GORASP2: variants seen among roughly 807,000 people sequenced by gnomAD.
GORASP2 encodes Golgi reassembly-stacking protein 2.
Under a neutral mutation model 45.7 loss-of-function variants are expected in GORASP2, and 22 were observed. The observed-to-expected ratio is 0.48, with a 90% CI of 0.34 to 0.69. GORASP2 has a LOEUF of 0.69. Ranked by LOEUF, GORASP2 falls within the 30% of genes least tolerant of loss-of-function variation. GORASP2 has a pLI of 0.01. For missense variants in GORASP2, 491 were observed against 562.7 expected, an observed-to-expected ratio of 0.87 and a Z score of 1.29; for synonymous variants, 221 against 215.6, an observed-to-expected ratio of 1.02 and a Z score of -0.22.
rs766320682 is a variant in GORASP2, at chr2:170,951,473, T to TA, written c.566+16dup. On this transcript the variant is annotated intron_variant, in intron 5 of 9. Coordinates refer to ENST00000234160, the MANE Select transcript of GORASP2 (RefSeq NM_015530.5). Reference sequence around the variant, plus strand: ...GGAGAAGGCAGGTAAGGTCATTTTTTAGACTAAGTTATGACTGCTTAAACA... The same window carrying TA: ...GGAGAAGGCAGGTAAGGTCATTTTTTAAGACTAAGTTATGACTGCTTAAACA... 3.6e-5 allele frequency: 57 copies of TA among 1,593,050 alleles called. No individual in the cohort carries two copies. The highest frequency in any genetic ancestry group is 4.7e-5 in the Non-Finnish European group (55 of 1,168,932).
chr2:170,961,522 C>T (rs1704560129), intron 7 of GORASP2, 141 bp from the exon 8 acceptor site: 2 of 669,692 alleles, frequency 3.0e-6, no homozygotes, highest in South Asian at 1.7e-5. Flanking sequence ...GGGTGATGGA[C>T]AGTCAGTTGC....
chr2:170,949,223 G>A (rs763755617), intron 2 of GORASP2, among the ~76,000 whole-genome samples: 5 of 152,094 alleles, frequency 3.3e-5, no homozygotes, highest in Non-Finnish European at 5.9e-5. Context: ...TCACAACTTC[G>A]TTAGTAATGT....
intron 5 of GORASP2, among the ~76,000 whole-genome samples, chr2:170,953,024 T>C (rs1704335868): frequency 6.6e-6 from 1 of 152,072 alleles, no homozygotes; most frequent in Non-Finnish European, 1.5e-5. Flanking sequence ...GAACAAATAA[T>C]TGTGAGATGA....
intron 5 of GORASP2, among the ~76,000 whole-genome samples, chr2:170,952,306 C>T (rs183502074): frequency 5.1e-4 from 78 of 152,290 alleles, no homozygotes; most frequent in Admixed American, 8.5e-4. Context: ...AATTTGGCTA[C>T]ATTCTTTGGA....
rs375029669 is a variant in GORASP2 at position 170,948,290 on chromosome 2, C to T, written c.64-60C>T. The T allele has an allele frequency of 3.6e-4, 326 of 913,088 alleles. 1 individual carries two copies. Among genetic ancestry groups the T allele is most frequent in the Middle Eastern group, 1.3e-3 (6 of 4,694 alleles). The allele number at this position is 913,088 out of a possible 1,614,324, so 56.6% of individuals were successfully genotyped here. ...TCTATTTTTACTGAAAAGAGAGATT[C>T]GGCTTACAATTTTCACCTAAGCTTT... On this transcript the variant is annotated intron_variant, in intron 1 of 9. Coordinates refer to ENST00000234160, the MANE Select transcript of GORASP2 (RefSeq NM_015530.5).
chr2:170,956,340 C>G (rs1704427374), intron 6 of GORASP2, 96 bp from the exon 7 acceptor site: 1 of 1,108,780 alleles, frequency 9.0e-7, no homozygotes. Flanking sequence ...ATGTGTGAAC[C>G]AAATATCTAT....
rs371704130 is a variant in GORASP2, at chr2:170,961,634, G to C, written c.824-29G>C. On this transcript the variant is annotated intron_variant, in intron 7 of 9. Coordinates refer to ENST00000234160, the MANE Select transcript of GORASP2 (RefSeq NM_015530.5). ...CATTTCTTGTCGACTAAATTTGTTA[G>C]AAATGAAAAGATTGTGCTTTCTTTT... is the stretch of plus-strand genomic sequence containing the variant. The C allele has an allele frequency of 9.3e-6, 11 of 1,185,724 alleles. No individual in the cohort carries two copies. In the African/African-American group the frequency reaches 1.0e-4, roughly 11 times the overall value. 73.5% of individuals were successfully genotyped at this position (1,185,724 alleles called of 1,614,324 possible).
chr2:170,943,721 G>A (rs1704125414), intron 1 of GORASP2, among the ~76,000 whole-genome samples: 1 of 152,172 alleles, frequency 6.6e-6, no homozygotes, highest in African/African-American at 2.4e-5. Context: ...CGCCCAGGCT[G>A]AAGTGCAGTG....
Position 170,929,401 on chromosome 2 carries a change from C to A in GORASP2, c.61C>A (p.Arg21=). The A allele has an allele frequency of 7.1e-7, 1 of 1,406,006 alleles. No homozygotes were observed. The highest frequency in any genetic ancestry group is 2.9e-5 in the Admixed American group (1 of 34,736). The allele number at this position is 1,406,006 out of a possible 1,614,324, so 87.1% of individuals were successfully genotyped here. ...GGGTEGYHVL[R]VQENSPGHRA... is the part of the protein sequence containing the mutation. ...GGGCACCGAGGGCTACCACGTTCTG[C>A]GGGTAAGGGCTCCGACGGCGGCCGG... is the stretch of plus-strand genomic sequence containing the variant. The change falls in exon 1 of 10, where the codon CGG becomes AGG. Residue 21 remains arginine, a splice_region_variant and synonymous_variant. Transcript: ENST00000234160.
At chr2:170,935,289 C>G (rs1192541928) in intron 1 of GORASP2, among the ~76,000 whole-genome samples, 1 of 151,880 alleles carries the variant, frequency 6.6e-6, no homozygotes, top group Non-Finnish European at 1.5e-5. Context: ...GAGTCTTGCT[C>G]TATCACCCAG....
intron 7 of GORASP2, among the ~76,000 whole-genome samples, chr2:170,960,265 G>A (rs12618311): frequency 6.6e-6 from 1 of 152,128 alleles, no homozygotes; most frequent in Non-Finnish European, 1.5e-5. Flanking sequence ...ACATACAGTA[G>A]GTGCCCCCCA....
chr2:170,965,930 C>T lies in GORASP2; in HGVS notation c.1159C>T (p.Leu387Phe), dbSNP rs139829101. The change falls in exon 10 of 10, where the codon CTC becomes TTC. Residue 387 changes from leucine (L) to phenylalanine (F), a missense_variant. Around this residue, in one of 2 missense-constraint regions of GORASP2, gnomAD observed 297 missense variants for 292.3 expected, o/e 1.02. Coordinates refer to ENST00000234160, the MANE Select transcript of GORASP2 (RefSeq NM_015530.5). ...AAGCTCAGGAGAGCTGCTGTCTTCC[C>T]TCCCGCCCACCAGCAACGCACCCTC... ...AASSGELLSS[L>F]PPTSNAPSDP... 3.6e-5 allele frequency: 58 copies of T among 1,613,928 alleles called. No homozygotes were observed. The highest frequency in any genetic ancestry group is 2.0e-4 in the Admixed American group (12 of 60,018).
intron 1 of GORASP2, among the ~76,000 whole-genome samples, chr2:170,939,088 G>T (rs1704017791): frequency 6.6e-6 from 1 of 152,174 alleles, no homozygotes; most frequent in Non-Finnish European, 1.5e-5. Context: ...TAAGTTATTT[G>T]AAGAATATAA....
intron 1 of GORASP2, among the ~76,000 whole-genome samples, chr2:170,939,415 T>C (rs983900690): frequency 6.6e-6 from 1 of 151,148 alleles, no homozygotes; most frequent in African/African-American, 2.4e-5. Flanking sequence ...AAGACCCAAA[T>C]AAGGAAACTT....
At chr2:170,958,358 G>C (rs754560368) in intron 7 of GORASP2, among the ~76,000 whole-genome samples, 10 of 151,938 alleles carry the variant, frequency 6.6e-5, no homozygotes, top group Non-Finnish European at 1.3e-4. Context: ...TAAATTCATA[G>C]AATTGTGCAG....
intron 1 of GORASP2, among the ~76,000 whole-genome samples, chr2:170,935,387 T>C (rs1703923877): frequency 6.6e-6 from 1 of 151,980 alleles, no homozygotes; most frequent in Non-Finnish European, 1.5e-5. Flanking sequence ...CCCAAGTGGC[T>C]GGGATTATAG....
At chr2:170,931,458 C>G (rs2105308058) in intron 1 of GORASP2, among the ~76,000 whole-genome samples, 1 of 152,220 alleles carries the variant, frequency 6.6e-6, no homozygotes, top group East Asian at 1.9e-4. Context: ...GTTAGATTAC[C>G]AAGCTTGTAA....
chr2:170,940,632 A>C (rs957602462), intron 1 of GORASP2, among the ~76,000 whole-genome samples: 4 of 151,986 alleles, frequency 2.6e-5, no homozygotes, highest in Admixed American at 6.6e-5. Context: ...AAAGTCAAGA[A>C]GTGAATTGCT....
In GORASP2 at chr2:170,956,330, A is replaced by C. The variant is rs954716678; in HGVS notation, c.700-106A>C. 11 of 961,010 alleles carry C rather than the reference A, an allele frequency of 1.1e-5. No homozygotes were observed. The African/African-American group carries it at 1.8e-4, about 16-fold the overall frequency. The allele number at this position is 961,010 out of a possible 1,614,324, so 59.5% of individuals were successfully genotyped here. On this transcript the variant is annotated intron_variant, in intron 6 of 9. Coordinates refer to ENST00000234160, the MANE Select transcript of GORASP2 (RefSeq NM_015530.5). ...TGCCAGATGAAGCTTGTGACAGCTC[A>C]TGTGTGAACCAAATATCTATCTGCA...
Sources: gnomAD v4.1 joint callset for allele counts (sites outside exome capture counted in the v4.1 genomes callset) on GRCh38, gnomAD v4.1.1 for gene constraint, gnomAD v4.1.1 regional missense constraint, MANE v1.5 for transcripts, NCBI Gene and HGNC (gene_info 2026-07-23, HGNC 2026-07-21) for gene names.